Variants in THSD7A observed in about 807,000 individuals in gnomAD.
THSD7A encodes thrombospondin type-1 domain-containing protein 7A.
A neutral mutation model predicts 231.3 loss-of-function variants in THSD7A; 96 were observed. That is an observed-to-expected ratio of 0.41 (90% CI 0.35 to 0.49). THSD7A has a LOEUF of 0.49. Ranked by LOEUF, THSD7A falls within the 20% of genes least tolerant of loss-of-function variation. The pLI is 0.05. For missense variants in THSD7A, 2,290 were observed against 2,070.2 expected (o/e 1.11, Z -2.06); for synonymous variants, 940 against 743.3 (o/e 1.26, Z -4.30).
chr7:11,649,803 A>T (rs1361163901), intron 1 of THSD7A, among the ~76,000 whole-genome samples: 1 of 152,054 alleles, frequency 6.6e-6, no homozygotes, highest in Non-Finnish European at 1.5e-5. Flanking sequence ...TTCCACACAG[A>T]CTGTTAAGGG....
intron 23 of THSD7A, among the ~76,000 whole-genome samples, chr7:11,387,489 A>G (rs1035137847): frequency 6.6e-6 from 1 of 152,138 alleles, no homozygotes; most frequent in East Asian, 1.9e-4. Context: ...GAATGGAAGT[A>G]CACTCATAAT....
chr7:11,455,404 AG>A (rs1259128691), intron 11 of THSD7A, among the ~76,000 whole-genome samples: 12 of 152,204 alleles, frequency 7.9e-5, no homozygotes, highest in Middle Eastern at 6.8e-3. Context: ...ATGAACTTAA[AG>A]AAAATACCCA....
At chr7:11,644,221 A>G (rs1345950638) in intron 1 of THSD7A, among the ~76,000 whole-genome samples, 1 of 151,950 alleles carries the variant, frequency 6.6e-6, no homozygotes, top group Non-Finnish European at 1.5e-5. Context: ...TTTTATTGCC[A>G]TAGGTAGAAG....
intron 6 of THSD7A, among the ~76,000 whole-genome samples, chr7:11,530,014 G>A (rs1034135163): frequency 2.0e-5 from 3 of 152,124 alleles, no homozygotes; most frequent in Non-Finnish European, 2.9e-5. Flanking sequence ...AGGAAACGTA[G>A]TCACTGTGGA....
intron 7 of THSD7A, among the ~76,000 whole-genome samples, chr7:11,475,982 T>C (rs1325045512): frequency 2.0e-5 from 3 of 148,390 alleles, no homozygotes; most frequent in Non-Finnish European, 3.0e-5. Flanking sequence ...AACTATATCA[T>C]GAGAGTTAAC....
At chr7:11,510,165 C>G (rs879664333) in intron 6 of THSD7A, among the ~76,000 whole-genome samples, 2 of 152,066 alleles carry the variant, frequency 1.3e-5, no homozygotes, top group Admixed American at 6.6e-5. Flanking sequence ...CAGTCAACGA[C>G]TGGATAAAGA....
At chr7:11,528,392 C>T (rs1401458622) in intron 6 of THSD7A, among the ~76,000 whole-genome samples, 2 of 151,992 alleles carry the variant, frequency 1.3e-5, no homozygotes, top group East Asian at 1.9e-4. Context: ...ATCCTTAAAG[C>T]GATTATTACA....
chr7:11,523,340 CA>C (rs957517308), intron 6 of THSD7A, among the ~76,000 whole-genome samples: 25 of 152,032 alleles, frequency 1.6e-4, no homozygotes, highest in Middle Eastern at 6.8e-3. Context: ...CAAGTAATGG[CA>C]AAAATCATAC....
Position 11,424,733 on chromosome 7 carries a change from C to T in THSD7A, c.3346G>A (p.Glu1116Lys). The change falls in exon 16 of 28, where the codon GAG becomes AAG. Residue 1116 changes from glutamate to lysine, a missense_variant. Transcript: ENST00000423059. ...GTTTGCACGCCCTCTCCACAGTTCT[C>T]CCGCATATTCACAAAGGTCACCTTG... is the stretch of plus-strand genomic sequence containing the variant. Reference protein sequence around the residue: ...ICKVTFVNMRENCGEGVQTRK... With the variant: ...ICKVTFVNMRKNCGEGVQTRK... 2 of 1,613,984 alleles carry T rather than the reference C, an allele frequency of 1.2e-6. No individual in the cohort carries two copies. The highest frequency in any genetic ancestry group is 1.7e-6 in the Non-Finnish European group (2 of 1,179,884).
intron 4 of THSD7A, among the ~76,000 whole-genome samples, chr7:11,554,428 T>C (rs548401339): frequency 1.6e-3 from 247 of 152,232 alleles, no homozygotes; most frequent in Non-Finnish European, 2.9e-3. Context: ...TACCATTAAG[T>C]ATAATGTTAG....
intron 23 of THSD7A, among the ~76,000 whole-genome samples, chr7:11,390,784 C>T (rs756479634): frequency 2.0e-5 from 3 of 152,158 alleles, no homozygotes; most frequent in Non-Finnish European, 4.4e-5. Flanking sequence ...TCTGAGTGGA[C>T]GTCCTTTCTT....
At chr7:11,603,286 A>G (rs1430752262) in intron 2 of THSD7A, among the ~76,000 whole-genome samples, 2 of 150,346 alleles carry the variant, frequency 1.3e-5, no homozygotes, top group Non-Finnish European at 3.0e-5. Context: ...AATGCTCATC[A>G]TCACTGGCCA....
chr7:11,757,326 G>A (rs1782716398), intron 1 of THSD7A, among the ~76,000 whole-genome samples: 1 of 151,982 alleles, frequency 6.6e-6, no homozygotes. Context: ...TCTATGATAT[G>A]GATGCATGAC....
intron 1 of THSD7A, among the ~76,000 whole-genome samples, chr7:11,662,684 A>G: frequency 6.6e-6 from 1 of 151,326 alleles, no homozygotes; most frequent in Non-Finnish European, 1.5e-5. Context: ...GTAAATCTCA[A>G]TAAACCTCAA....
chr7:11,479,752 C>A (rs1441190296), intron 7 of THSD7A, among the ~76,000 whole-genome samples: 1 of 152,158 alleles, frequency 6.6e-6, no homozygotes, highest in Non-Finnish European at 1.5e-5. Context: ...CTAATAGGTA[C>A]TAAATAGGCT....
intron 6 of THSD7A, among the ~76,000 whole-genome samples, chr7:11,491,439 A>T (rs1056125884): frequency 6.6e-6 from 1 of 152,008 alleles, no homozygotes; most frequent in African/African-American, 2.4e-5. Context: ...CTACGTAATT[A>T]ACATGAACTT....
intron 1 of THSD7A, among the ~76,000 whole-genome samples, chr7:11,826,589 A>G (rs1785034540): frequency 6.6e-6 from 1 of 152,138 alleles, no homozygotes; most frequent in South Asian, 2.1e-4. Context: ...AGGTGGGTGG[A>G]TCACCTGAGG....
At position 11,590,702 on chromosome 7, in the gene THSD7A, C is replaced by G. The variant is rs1369000831; in HGVS notation, c.1272-61G>C. The G allele has an allele frequency of 6.6e-7, 1 of 1,504,186 alleles. No homozygotes were observed. The highest frequency in any genetic ancestry group is 8.9e-7 in the Non-Finnish European group (1 of 1,123,962). The allele number at this position is 1,504,186 out of a possible 1,614,324, so 93.2% of individuals were successfully genotyped here. A position where few individuals can be genotyped will look rare whatever the true frequency, so the allele number is the denominator to read the frequency against. On this transcript the variant is annotated intron_variant, in intron 3 of 27. Transcript: ENST00000423059. The surrounding 1 kb of genome is among the most constrained non-coding windows in gnomAD (Gnocchi z 4.4). ...TTATTGAATGACGTGTTTCTCTACT[C>G]CTGTCATACTTTGTTTTAACGAAAA...
At chr7:11,581,232 G>A (rs1791148204) in intron 4 of THSD7A, among the ~76,000 whole-genome samples, 1 of 151,836 alleles carries the variant, frequency 6.6e-6, no homozygotes, top group Admixed American at 6.6e-5. Context: ...TTTTAATAGT[G>A]GGCATTTGGG....
Sources: allele counts gnomAD v4.1 joint callset (sites outside exome capture counted in the v4.1 genomes callset), GRCh38; gene constraint gnomAD v4.1.1; non-coding constraint Gnocchi (gnomAD v3.1); transcripts MANE v1.5; gene names NCBI Gene and HGNC (gene_info 2026-07-23, HGNC 2026-07-21).